Variants in BCAR1 observed in about 807,000 individuals in gnomAD.
The protein encoded by BCAR1 is breast cancer anti-estrogen resistance protein 1.
A neutral mutation model predicts 67.6 loss-of-function variants in BCAR1; 30 were observed. That is an observed-to-expected ratio of 0.44 (90% CI 0.33 to 0.60). BCAR1 has a LOEUF of 0.60. Among genes scored for constraint, BCAR1 ranks in the 20% least tolerant of loss-of-function variants. The probability of loss-of-function intolerance (pLI) is 0.02; values close to 1 mark genes in which losing one functional copy is unlikely to be tolerated. For synonymous variants in BCAR1, 626 were observed against 556.7 expected (o/e 1.12, Z -1.75); for missense variants, 1,313 against 1,222.3 (o/e 1.07, Z -1.11).
intron 1 of BCAR1, among the ~76,000 whole-genome samples, chr16:75,267,549 G>A (rs1382364244): frequency 1.3e-5 from 2 of 152,106 alleles, no homozygotes; most frequent in African/African-American, 2.4e-5. Flanking sequence ...TGGCGCCCGG[G>A]CTCCTGGCCA....
chr16:75,267,585 C>A (rs2078026964), intron 1 of BCAR1, among the ~76,000 whole-genome samples: 1 of 152,162 alleles, frequency 6.6e-6, no homozygotes, highest in Non-Finnish European at 1.5e-5. Context: ...CTGATGCCCC[C>A]ACCCACCACC....
intron 1 of BCAR1, among the ~76,000 whole-genome samples, chr16:75,244,155 G>A (rs1234397112): frequency 6.6e-6 from 1 of 152,210 alleles, no homozygotes; most frequent in Non-Finnish European, 1.5e-5. Flanking sequence ...CCACCAGCCT[G>A]GCCTCAGCTC....
rs2151462785 is a variant in BCAR1 at position 75,251,496 on chromosome 16, C to T, written c.-14G>A. On this transcript the variant is annotated 5_prime_UTR_variant, in exon 1 of 7. Transcript: ENST00000162330. ...CAGGTGGTTCATGGTGTCCGGCGGGCCTGGGGCCCCGGCTCTCGCGGGGGC... is the reference window on the plus strand; with the variant it reads ...CAGGTGGTTCATGGTGTCCGGCGGGTCTGGGGCCCCGGCTCTCGCGGGGGC... 1.5e-6 allele frequency: 2 copies of T among 1,365,938 alleles called. No homozygotes were observed. 84.6% of individuals were successfully genotyped at this position (1,365,938 alleles called of 1,614,324 possible). A position where few individuals can be genotyped will look rare whatever the true frequency, so the allele number is the denominator to read the frequency against.
intron 2 of BCAR1, 33 bp from the exon 3 acceptor site, chr16:75,237,377 T>C: frequency 7.0e-7 from 1 of 1,435,368 alleles, no homozygotes; most frequent in African/African-American, 1.5e-5. Flanking sequence ...ACTGCTGCCC[T>C]CAAACCAGCC....
At chr16:75,266,781 T>G in intron 1 of BCAR1, 1 of 1,441,068 alleles carries the variant, frequency 6.9e-7, no homozygotes, top group Non-Finnish European at 9.2e-7. Context: ...GGTGAGCATC[T>G]AGAGCAAGTG....
At chr16:75,239,741 T>C (rs925095557) in intron 2 of BCAR1, among the ~76,000 whole-genome samples, 3 of 152,086 alleles carry the variant, frequency 2.0e-5, no homozygotes, top group African/African-American at 7.2e-5. Context: ...ACCTGGGTCA[T>C]GGTGGCCTGA....
intron 4 of BCAR1, 157 bp from the exon 5 acceptor site, chr16:75,236,143 G>T: frequency 1.1e-6 from 1 of 908,580 alleles, no homozygotes; most frequent in Non-Finnish European, 1.6e-6. Flanking sequence ...CAAATGCAGA[G>T]GCACGCACAC....
Position 75,229,838 on chromosome 16 carries a change from C to T in BCAR1, c.2286G>A (p.Val762=), listed in dbSNP as rs747778660. 4 of 1,613,272 alleles carry T rather than the reference C, an allele frequency of 2.5e-6. No individual in the cohort carries two copies. The Admixed American group carries it at 5.0e-5, about 20-fold the overall frequency. Residue 762 remains valine (V), a synonymous_variant, in exon 7 of 7, where the codon GTG becomes GTA. Coordinates refer to ENST00000162330, the MANE Select transcript of BCAR1 (RefSeq NM_014567.5). ...EANLTTLTNA[V]DAFFTAVATN... ...TGGCCACGGCGGTAAAGAAGGCGTC[C>T]ACGGCGTTGGTCAGTGTGGTCAGGT... is the stretch of plus-strand genomic sequence containing the variant.
rs1343378754 is a variant in BCAR1, at chr16:75,229,637, G to A, written c.2487C>T (p.Thr829=). Residue 829 remains threonine (T), a synonymous_variant, in exon 7 of 7, where the codon ACC becomes ACT. Coordinates refer to ENST00000162330, the MANE Select transcript of BCAR1 (RefSeq NM_014567.5). ...GGTACTGCAAGGCAGCGGCCTTGGT[G>A]GTGGCCACGATGCCGCGCAGGAGGT... ...LCDLLRGIVA[T]TKAAALQYPS... The A allele has an allele frequency of 3.7e-6, 6 of 1,612,714 alleles. No homozygotes were observed. Among genetic ancestry groups the A allele is most frequent in the Non-Finnish European group, 5.1e-6 (6 of 1,179,894 alleles).
chr16:75,244,698 G>A (rs950457145), intron 1 of BCAR1, among the ~76,000 whole-genome samples: 2 of 152,158 alleles, frequency 1.3e-5, no homozygotes, highest in Non-Finnish European at 2.9e-5. Context: ...AGAGCCAGGA[G>A]GAGCAAGGCC....
intron 1 of BCAR1, chr16:75,247,246 T>G (rs775339478): frequency 6.6e-6 from 1 of 152,636 alleles, no homozygotes; most frequent in South Asian, 2.1e-4. Context: ...AGGAAGGCCT[T>G]TGGGGGCTTG....
At chr16:75,251,017 G>A (rs2077664527) in intron 1 of BCAR1, 3 of 981,924 alleles carry the variant, frequency 3.1e-6, no homozygotes, top group Non-Finnish European at 3.6e-6. Context: ...CCCGGCCTCG[G>A]TCCCCCGGAG....
rs1195070317 is a variant in BCAR1, at chr16:75,229,253, C to G, written c.*258G>C. 1 of 503,062 alleles carries G rather than the reference C, an allele frequency of 2.0e-6. No homozygotes were observed. The highest frequency in any genetic ancestry group is 3.8e-5 in the Admixed American group (1 of 26,634). The allele number at this position is 503,062 out of a possible 1,614,324, so 31.2% of individuals were successfully genotyped here. A position where few individuals can be genotyped will look rare whatever the true frequency, so the allele number is the denominator to read the frequency against. On this transcript the variant is annotated 3_prime_UTR_variant, in exon 7 of 7. Coordinates refer to ENST00000162330, the MANE Select transcript of BCAR1 (RefSeq NM_014567.5). ...CAGGACCCTCACACTCCAGCCCCGT[C>G]TGGTGACCCAACCCGGGCCCGTGGT...
chr16:75,246,556 G>C (rs902345313), intron 1 of BCAR1: 1 of 152,532 alleles, frequency 6.6e-6, no homozygotes, highest in Non-Finnish European at 1.5e-5. Flanking sequence ...CCTCAGCCAG[G>C]GGGCTGGAGC....
intron 1 of BCAR1, among the ~76,000 whole-genome samples, chr16:75,258,876 G>A (rs1354597491): frequency 1.3e-5 from 2 of 152,126 alleles, no homozygotes; most frequent in Non-Finnish European, 2.9e-5. Context: ...TGGGGCAGGC[G>A]CAGCAAGGAG....
intron 1 of BCAR1, chr16:75,247,929 C>A (rs771990504): frequency 1.3e-6 from 1 of 765,234 alleles, no homozygotes; most frequent in African/African-American, 1.7e-5. Context: ...GGTAATAGTG[C>A]CACACTTGTC....
At chr16:75,243,448 C>G (rs1295546505) in intron 1 of BCAR1, 1 of 567,282 alleles carries the variant, frequency 1.8e-6, no homozygotes, top group Admixed American at 1.9e-5. Context: ...CACGACAAAG[C>G]TGCCAAGTTA....
chr16:75,246,428 T>TGGGGGGG (rs2077526558), intron 1 of BCAR1: 1 of 152,194 alleles, frequency 6.6e-6, no homozygotes, highest in Non-Finnish European at 1.5e-5. Context: ...GGGAAGAAAG[T>TGGGGGGG]GGGGTGCCAA....
Position 75,235,516 on chromosome 16 carries a change from C to A in BCAR1, c.1383G>T (p.Glu461Asp), listed in dbSNP as rs1470792897. 1.9e-5 allele frequency: 30 copies of A among 1,596,684 alleles called. No individual in the cohort carries two copies. The highest frequency in any genetic ancestry group is 2.5e-5 in the Non-Finnish European group (29 of 1,172,384). Reference protein sequence around the residue: ...REPLELEVAVEALARLQQGVS... With the variant: ...REPLELEVAVDALARLQQGVS... ...CACCCTGCTGCAGCCGTGCCAGGGC[C>A]TCCACAGCAACTTCCAGCTCCAGGG... The change falls in exon 5 of 7, where the codon GAG (glutamate) becomes GAT (aspartate). Residue 461 changes from glutamate to aspartate, a missense_variant. By Grantham distance (45) the Glu-to-Asp change is conservative. Transcript: ENST00000162330.
Sources: gnomAD v4.1 joint callset for allele counts (sites outside exome capture counted in the v4.1 genomes callset) on GRCh38, gnomAD v4.1.1 for gene constraint, MANE v1.5 for transcripts, NCBI Gene and HGNC (gene_info 2026-07-23, HGNC 2026-07-21) for gene names.